ANGPT1: variants seen among roughly 807,000 people sequenced by gnomAD.
ANGPT1 encodes the protein angiopoietin 1.
A neutral mutation model predicts 62.2 loss-of-function variants in ANGPT1; 17 were observed. That is an observed-to-expected ratio of 0.27 (90% confidence interval 0.19 to 0.41). ANGPT1 has a LOEUF of 0.41. ANGPT1 is among the 10% of genes least tolerant of loss of function. The pLI, the probability that ANGPT1 is intolerant of heterozygous loss-of-function variation, is 1.00. For synonymous variants in ANGPT1, 199 were observed against 198.9 expected, an observed-to-expected ratio of 1.00 and a Z score of 0.00; for missense variants, 478 against 594.9, an observed-to-expected ratio of 0.80 and a Z score of 2.04.
intron 5 of ANGPT1, chr8:107,294,907 T>C (rs769911459): frequency 1.3e-5 from 2 of 152,140 alleles, no homozygotes; most frequent in Non-Finnish European, 2.9e-5. Context: ...ACGGGGACTA[T>C]GGGAAACACT....
intron 5 of ANGPT1, among the ~76,000 whole-genome samples, chr8:107,300,069 GTATC>G (rs976751870): frequency 1.1e-4 from 14 of 132,016 alleles, no homozygotes; most frequent in African/African-American, 3.9e-4. Context: ...CTAGATATAG[GTATC>G]TATATCTATA....
intron 1 of ANGPT1, among the ~76,000 whole-genome samples, chr8:107,459,654 T>C (rs975695901): frequency 4.6e-5 from 7 of 152,206 alleles, no homozygotes; most frequent in Non-Finnish European, 2.9e-5. Flanking sequence ...CCATTTTCAC[T>C]TTATATTCGC....
intron 1 of ANGPT1, among the ~76,000 whole-genome samples, chr8:107,412,708 A>G (rs996099844): frequency 1.3e-5 from 2 of 152,158 alleles, no homozygotes; most frequent in African/African-American, 2.4e-5. Context: ...AGTGAAATAT[A>G]CACTTGAAAG....
chr8:107,359,109 A>C (rs1816108330), intron 1 of ANGPT1, among the ~76,000 whole-genome samples: 2 of 152,138 alleles, frequency 1.3e-5, no homozygotes, highest in African/African-American at 2.4e-5. Context: ...TGAGACTTAG[A>C]TATATTAACA....
intron 1 of ANGPT1, among the ~76,000 whole-genome samples, chr8:107,360,098 C>T (rs1045999406): frequency 6.6e-6 from 1 of 152,080 alleles, no homozygotes; most frequent in African/African-American, 2.4e-5. Flanking sequence ...TCCCTACCTG[C>T]CACCCCTAAT....
chr8:107,471,900 T>G (rs1175827790), intron 1 of ANGPT1, among the ~76,000 whole-genome samples: 1 of 152,068 alleles, frequency 6.6e-6, no homozygotes, highest in East Asian at 1.9e-4. Context: ...ATTTATTTAT[T>G]TCCTCAATTT....
intron 1 of ANGPT1, among the ~76,000 whole-genome samples, chr8:107,405,314 T>C (rs1817126895): frequency 6.6e-6 from 1 of 151,956 alleles, no homozygotes. Flanking sequence ...ATTCTTTTTC[T>C]CCTTAATGGT....
intron 5 of ANGPT1, among the ~76,000 whole-genome samples, chr8:107,298,461 G>A (rs544219922): frequency 6.6e-6 from 1 of 151,924 alleles, no homozygotes; most frequent in Non-Finnish European, 1.5e-5. Flanking sequence ...ACTATACATT[G>A]AAGGGAATTC....
chr8:107,397,961 C>G (rs1263468340), intron 1 of ANGPT1, among the ~76,000 whole-genome samples: 1 of 152,124 alleles, frequency 6.6e-6, no homozygotes, highest in Non-Finnish European at 1.5e-5. Context: ...TGAAACAAAA[C>G]TAAATTGAAT....
intron 1 of ANGPT1, among the ~76,000 whole-genome samples, chr8:107,353,099 A>C (rs1362524912): frequency 6.6e-6 from 1 of 152,220 alleles, no homozygotes; most frequent in African/African-American, 2.4e-5. Context: ...TTTAGCTAAC[A>C]TTTAAAATGG....
At chr8:107,395,410 C>T (rs1816916270) in intron 1 of ANGPT1, among the ~76,000 whole-genome samples, 1 of 152,054 alleles carries the variant, frequency 6.6e-6, no homozygotes, top group Non-Finnish European at 1.5e-5. Flanking sequence ...TTCCATGTTT[C>T]CATATTTTTG....
Position 107,303,316 on chromosome 8 carries a change from GCA to G in ANGPT1, c.858_859del (p.Ala287ArgfsTer8). The G allele has an allele frequency of 6.2e-7, 1 of 1,602,866 alleles. No individual in the cohort carries two copies. The highest frequency in any genetic ancestry group is 8.5e-7 in the Non-Finnish European group (1 of 1,173,146). ...ATTAAAACCAGCTTGATATACATCT[GCA>G]CAGTCTCTAAATGGTTTCTCTTCCT... On this transcript the variant is annotated frameshift_variant, in exon 5 of 9. Transcript: ENST00000517746. LOFTEE classifies it high-confidence loss of function.
chr8:107,380,772 C>T (rs1408424919), intron 1 of ANGPT1, among the ~76,000 whole-genome samples: 1 of 152,158 alleles, frequency 6.6e-6, no homozygotes, highest in Non-Finnish European at 1.5e-5. Context: ...CTTTGCTACT[C>T]AAGTAGGGCA....
At chr8:107,363,515 G>A (rs1296100635) in intron 1 of ANGPT1, among the ~76,000 whole-genome samples, 3 of 152,164 alleles carry the variant, frequency 2.0e-5, no homozygotes, top group Non-Finnish European at 4.4e-5. Flanking sequence ...GACTCTGTTA[G>A]CTCTAAGCTG....
intron 4 of ANGPT1, among the ~76,000 whole-genome samples, chr8:107,310,958 TGTGTGTGTATGA>T (rs1279832634): frequency 1.6e-5 from 1 of 64,326 alleles, no homozygotes; most frequent in Non-Finnish European, 4.4e-5. Context: ...TGTATGTATG[TGTGTGTGTATGA>T]GTGTGTATGT....
intron 1 of ANGPT1, among the ~76,000 whole-genome samples, chr8:107,392,590 AT>A (rs1816856376): frequency 6.6e-6 from 1 of 151,944 alleles, no homozygotes; most frequent in African/African-American, 2.4e-5. Context: ...ATCTATCTTT[AT>A]TTTTTACTTT....
intron 4 of ANGPT1, among the ~76,000 whole-genome samples, chr8:107,316,066 T>A (rs1407709267): frequency 6.6e-6 from 1 of 152,202 alleles, no homozygotes; most frequent in African/African-American, 2.4e-5. Context: ...TTTTAAAGAA[T>A]GTGATCTATG....
intron 1 of ANGPT1, among the ~76,000 whole-genome samples, chr8:107,421,231 T>C (rs999534901): frequency 6.6e-6 from 1 of 152,202 alleles, no homozygotes; most frequent in African/African-American, 2.4e-5. Context: ...ATTTTTCCAA[T>C]AGCTGTTAGC....
At chr8:107,315,913 C>T (rs1031779721) in intron 4 of ANGPT1, among the ~76,000 whole-genome samples, 13 of 152,184 alleles carry the variant, frequency 8.5e-5, no homozygotes, top group African/African-American at 3.1e-4. Context: ...CTTGTCTCCT[C>T]TGAGGACAAA....
Sources: gnomAD v4.1 joint callset for allele counts (sites outside exome capture counted in the v4.1 genomes callset) on GRCh38, gnomAD v4.1.1 for gene constraint, MANE v1.5 for transcripts, NCBI Gene and HGNC (gene_info 2026-07-23, HGNC 2026-07-21) for gene names.